The following GPD2 variants were observed in gnomAD, a reference collection of about 807,000 sequenced individuals.
GPD2 encodes glycerol-3-phosphate dehydrogenase, mitochondrial.
Under a neutral mutation model 82.4 loss-of-function variants are expected in GPD2, and 54 were observed. The observed-to-expected ratio is 0.66, with a 90% CI of 0.53 to 0.82. The LOEUF (loss-of-function observed/expected upper bound fraction) is 0.82. GPD2 is among the 40% of genes least tolerant of loss of function. GPD2 has a pLI of 0.00. For synonymous variants in GPD2, 288 were observed against 306.1 expected (o/e 0.94, Z 0.62); for missense variants, 748 against 896.2 (o/e 0.83, Z 2.11).
the GPD2 span, among the ~76,000 whole-genome samples, chr2:156,405,935 G>C: frequency 6.6e-6 from 1 of 152,272 alleles, no homozygotes; most frequent in South Asian, 2.1e-4. Flanking sequence ...CAAGTTCCTA[G>C]CTGGTGTTAG....
intron 8 of GPD2, among the ~76,000 whole-genome samples, chr2:156,555,668 T>C (rs1238353084): frequency 2.6e-5 from 4 of 152,198 alleles, no homozygotes; most frequent in Non-Finnish European, 5.9e-5. Context: ...TGTGACTAGT[T>C]TCTTCTGAGA....
intron 3 of GPD2, among the ~76,000 whole-genome samples, chr2:156,507,946 A>G (rs1684846391): frequency 6.6e-6 from 1 of 152,052 alleles, no homozygotes; most frequent in African/African-American, 2.4e-5. Flanking sequence ...CCTGCCCTGA[A>G]CACGTACTTC....
chr2:156,541,175 G>A (rs562127271), intron 6 of GPD2, among the ~76,000 whole-genome samples: 57 of 152,310 alleles, frequency 3.7e-4, no homozygotes, highest in African/African-American at 1.4e-3. Flanking sequence ...GAAGCAACTA[G>A]CATGAGATTT....
At chr2:156,522,764 C>T (rs1331454484) in intron 6 of GPD2, among the ~76,000 whole-genome samples, 3 of 149,634 alleles carry the variant, frequency 2.0e-5, no homozygotes, top group Non-Finnish European at 4.4e-5. Flanking sequence ...CTCTATTTTA[C>T]AGGAAGGAAG....
rs1377412450 is a variant in GPD2 at position 156,513,389 on chromosome 2, G to A, written c.554G>A (p.Gly185Glu). ...VGIKLYDLVA[G>E]SNCLKSSYVL... ...ATCAAGCTGTATGATTTGGTTGCAGGAAGCAATTGCCTAAAAAGCAGTTAT... is the reference window on the plus strand; with the variant it reads ...ATCAAGCTGTATGATTTGGTTGCAGAAAGCAATTGCCTAAAAAGCAGTTAT... Residue 185 changes from glycine (G) to glutamate (E), a missense_variant, in exon 6 of 17, where the codon GGA becomes GAA. Around this residue, in one of 3 missense-constraint regions of GPD2, gnomAD observed 692 missense variants for 809.7 expected, o/e 0.85. Coordinates refer to ENST00000438166, the MANE Select transcript of GPD2 (RefSeq NM_000408.5). 15 of 1,612,120 alleles carry A rather than the reference G, an allele frequency of 9.3e-6. No individual in the cohort carries two copies. Among genetic ancestry groups the A allele is most frequent in the African/African-American group, 1.3e-5 (1 of 74,856 alleles).
intron 9 of GPD2, among the ~76,000 whole-genome samples, chr2:156,568,212 A>G (rs1687460338): frequency 6.6e-6 from 1 of 152,094 alleles, no homozygotes; most frequent in Admixed American, 6.6e-5. Flanking sequence ...GTTTGCATTC[A>G]TCTGTTTTCT....
At chr2:156,573,186 C>T (rs1293740558) in intron 13 of GPD2, among the ~76,000 whole-genome samples, 1 of 152,122 alleles carries the variant, frequency 6.6e-6, no homozygotes, top group Non-Finnish European at 1.5e-5. Context: ...GATCATGCCT[C>T]TGACAGGGAT....
chr2:156,442,967 A>G (rs553721667), intron 1 of GPD2, among the ~76,000 whole-genome samples: 2 of 151,232 alleles, frequency 1.3e-5, no homozygotes, highest in Non-Finnish European at 3.0e-5. Flanking sequence ...TAATTCAGAG[A>G]CTCCTTCATT....
chr2:156,510,841 C>T lies in GPD2; in HGVS notation c.320C>T (p.Thr107Ile), dbSNP rs779039054. 6.2e-7 allele frequency: 1 copy of T among 1,612,552 alleles called. No individual in the cohort carries two copies. Among genetic ancestry groups the T allele is most frequent in the Admixed American group, 1.7e-5 (1 of 60,008 alleles). Residue 107 changes from threonine to isoleucine, a missense_variant, in exon 4 of 17, where the codon ACC becomes ATC. By Grantham distance (89) the Thr-to-Ile change is moderately conservative (BLOSUM62 -1). Transcript: ENST00000438166. ...GAAAGAGATGATTTCTCATCAGGGA[C>T]CAGCAGCAGAAGCACTAAATTGATC... ...LVERDDFSSGTSSRSTKLIHG... is the reference protein window; with the variant it reads ...LVERDDFSSGISSRSTKLIHG...
chr2:156,477,109 C>A (rs183317343), intron 2 of GPD2, among the ~76,000 whole-genome samples: 6 of 152,232 alleles, frequency 3.9e-5, no homozygotes, highest in African/African-American at 1.4e-4. Flanking sequence ...GCTTGCAATC[C>A]CATATCCTGA....
intron 1 of GPD2, among the ~76,000 whole-genome samples, chr2:156,445,929 T>C (rs1382743454): frequency 1.3e-5 from 2 of 152,196 alleles, no homozygotes; most frequent in African/African-American, 4.8e-5. Context: ...ACAAGTTTAA[T>C]TTTTGCTTAT....
At chr2:156,566,522 G>A (rs147284390) in intron 9 of GPD2, among the ~76,000 whole-genome samples, 44 of 152,180 alleles carry the variant, frequency 2.9e-4, no homozygotes, top group African/African-American at 1.0e-3. Context: ...TGTCTTCAAG[G>A]TTCATCCATG....
At chr2:156,448,119 C>CTTT (rs34771172) in intron 1 of GPD2, among the ~76,000 whole-genome samples, 1 of 145,972 alleles carries the variant, frequency 6.9e-6, no homozygotes. Flanking sequence ...GCAATTTTCC[C>CTTT]TTTTTTTTTT....
intron 13 of GPD2, among the ~76,000 whole-genome samples, chr2:156,576,848 C>T (rs1301165422): frequency 6.6e-6 from 1 of 152,058 alleles, no homozygotes; most frequent in African/African-American, 2.4e-5. Flanking sequence ...GTGGCATTTC[C>T]AAGGAGATGG....
At chr2:156,548,378 A>T (rs1431697356) in intron 6 of GPD2, among the ~76,000 whole-genome samples, 6 of 152,174 alleles carry the variant, frequency 3.9e-5, no homozygotes, top group Admixed American at 3.9e-4. Context: ...TAATTGTTAG[A>T]TAAAATAACT....
intron 6 of GPD2, among the ~76,000 whole-genome samples, chr2:156,527,234 A>T (rs1187807673): frequency 6.6e-6 from 1 of 152,080 alleles, no homozygotes; most frequent in African/African-American, 2.4e-5. Flanking sequence ...AGTTTCAACT[A>T]CCAAGCCTTG....
chr2:156,470,121 G>A (rs113640711), intron 1 of GPD2, among the ~76,000 whole-genome samples: 4,468 of 152,210 alleles, frequency 0.029, 217 homozygotes, highest in African/African-American at 0.1. Flanking sequence ...TGGTTCACAC[G>A]CCTCTGACAA....
chr2:156,441,368 G>A (rs1010974198), intron 1 of GPD2, among the ~76,000 whole-genome samples: 1 of 152,058 alleles, frequency 6.6e-6, no homozygotes, highest in Non-Finnish European at 1.5e-5. Context: ...CCTGGGCCAC[G>A]TGGAGAGACC....
intron 3 of GPD2, among the ~76,000 whole-genome samples, chr2:156,507,061 T>C (rs1471899277): frequency 1.3e-5 from 2 of 152,100 alleles, no homozygotes. Flanking sequence ...TCACCTAGGC[T>C]GGAGTGCAAT....
Sources: gnomAD v4.1 joint callset for allele counts (sites outside exome capture counted in the v4.1 genomes callset) on GRCh38, gnomAD v4.1.1 for gene constraint, gnomAD v4.1.1 regional missense constraint, MANE v1.5 for transcripts, NCBI Gene and HGNC (gene_info 2026-07-23, HGNC 2026-07-21) for gene names.